Variants in WDFY4 observed in about 807,000 individuals in gnomAD.
WDFY4 encodes the protein WD repeat- and FYVE domain-containing protein 4.
A neutral mutation model predicts 351.9 loss-of-function variants in WDFY4; 169 were observed. The ratio of observed to expected loss-of-function variants is 0.48; its 90% CI spans 0.42 to 0.55. WDFY4 has a LOEUF of 0.55. Among genes scored for constraint, WDFY4 ranks in the 20% least tolerant of loss-of-function variants. The pLI, the probability that WDFY4 is intolerant of heterozygous loss-of-function variation, is 0.00. For synonymous variants in WDFY4, 1,622 were observed against 1,574.6 expected (o/e 1.03, Z -0.71); for missense variants, 3,803 against 3,935.6 (o/e 0.97, Z 0.90).
At position 48,832,678 on chromosome 10, in the gene WDFY4, G is replaced by T. The variant is rs765669221; in HGVS notation, c.6632G>T (p.Arg2211Leu). Residue 2211 changes from arginine to leucine, a missense_variant, in exon 39 of 62, where the codon CGG (arginine) becomes CTG (leucine). Physicochemically the swap from Arg to Leu is moderately radical, Grantham distance 102. Transcript: ENST00000325239. ...TCAGCCATGAAGCTGATGCCCGGGC[G>T]GCAGGCCAAGGACCCTGAGTGCAAG... The part of the protein sequence containing the change: ...LSSAMKLMPG[R>L]QAKDPECKTE... 6.5e-7 allele frequency: 1 copy of T among 1,549,770 alleles called. No homozygotes were observed. The highest frequency in any genetic ancestry group is 8.7e-7 in the Non-Finnish European group (1 of 1,145,936).
chr10:48,889,133 C>T (rs1423579818), intron 43 of WDFY4, among the ~76,000 whole-genome samples: 1 of 152,184 alleles, frequency 6.6e-6, no homozygotes, highest in African/African-American at 2.4e-5. Context: ...AGGGCCAGCT[C>T]CTCTGACAAG....
chr10:48,832,409 G>T (rs2068220428), intron 38 of WDFY4, among the ~76,000 whole-genome samples, 164 bp from the exon 39 acceptor site: 1 of 152,252 alleles, frequency 6.6e-6, no homozygotes, highest in African/African-American at 2.4e-5. Flanking sequence ...GCCAAAGGAA[G>T]GTCAGAAGAC....
rs181454237 is a variant in WDFY4, at chr10:48,863,199, G to T, written c.6664-4066G>T. Among the ~76,000 whole-genome samples, 474 of 152,158 alleles carry T rather than the reference G, an allele frequency of 3.1e-3. 1 individual carries two copies. The highest frequency in any genetic ancestry group is 5.4e-3 in the Non-Finnish European group (368 of 67,986). ...TTCAGTTGGACACAATTTTTATCTT[G>T]GGTGTATACCTGAGAATGGAATTGC... is the stretch of plus-strand genomic sequence containing the variant. On this transcript the variant is annotated intron_variant, in intron 39 of 61. Transcript: ENST00000325239.
chr10:48,927,477 C>T (rs1215870865), intron 47 of WDFY4, among the ~76,000 whole-genome samples: 1 of 152,190 alleles, frequency 6.6e-6, no homozygotes, highest in Non-Finnish European at 1.5e-5. Context: ...AAAACTTCCA[C>T]CCACATGCCT....
intron 12 of WDFY4, among the ~76,000 whole-genome samples, chr10:48,752,970 A>G (rs2065228088): frequency 6.6e-6 from 1 of 152,180 alleles, no homozygotes; most frequent in African/African-American, 2.4e-5. Context: ...AGCTGAACCA[A>G]TTTTACACAC....
At chr10:48,955,536 A>G (rs1019627759) in intron 51 of WDFY4, among the ~76,000 whole-genome samples, 8 of 152,222 alleles carry the variant, frequency 5.3e-5, no homozygotes, top group Non-Finnish European at 1.2e-4. Flanking sequence ...GGAATCTGGC[A>G]TGGGGCAAAG....
intron 25 of WDFY4, among the ~76,000 whole-genome samples, chr10:48,804,023 AAC>A (rs1762397119): frequency 6.6e-6 from 1 of 152,226 alleles, no homozygotes; most frequent in African/African-American, 2.4e-5. Context: ...TTAAAAATTT[AAC>A]AGTCTTAGCT....
At chr10:48,823,980 A>G in intron 35 of WDFY4, 1 of 985,496 alleles carries the variant, frequency 1.0e-6, no homozygotes, top group Non-Finnish European at 1.2e-6. Context: ...GGAGTAGCCT[A>G]TAACAAATTC....
At chr10:48,798,888 T>G (rs2066962539) in intron 24 of WDFY4, among the ~76,000 whole-genome samples, 1 of 152,210 alleles carries the variant, frequency 6.6e-6, no homozygotes, top group Non-Finnish European at 1.5e-5. Context: ...GTCCTGGATC[T>G]GAAGCTGGAA....
chr10:48,975,482 C>G (rs1262086951), intron 58 of WDFY4, among the ~76,000 whole-genome samples: 2 of 152,160 alleles, frequency 1.3e-5, no homozygotes, highest in African/African-American at 4.8e-5. Context: ...AAATTTCTTC[C>G]AGACTGAAGC....
chr10:48,910,969 G>T, intron 47 of WDFY4: 1 of 939,848 alleles, frequency 1.1e-6, no homozygotes, highest in Non-Finnish European at 1.3e-6. Context: ...TAATTCTAAA[G>T]AAAAAGTGTC....
intron 51 of WDFY4, among the ~76,000 whole-genome samples, chr10:48,954,845 A>G (rs1248967568): frequency 6.6e-6 from 1 of 152,240 alleles, no homozygotes; most frequent in Non-Finnish European, 1.5e-5. Flanking sequence ...TATAAATAAT[A>G]CAGGCCTAAG....
intron 61 of WDFY4, among the ~76,000 whole-genome samples, chr10:48,981,743 A>G (rs1272441394): frequency 6.6e-6 from 1 of 152,222 alleles, no homozygotes; most frequent in African/African-American, 2.4e-5. Flanking sequence ...TTCATTAAGA[A>G]ATCCAAGAGG....
At chr10:48,957,083 G>A (rs3829206) in intron 51 of WDFY4, 46 bp from the exon 52 acceptor site, 753,766 of 1,530,134 alleles carry the variant, frequency 0.49, 188,945 homozygotes, top group Non-Finnish European at 0.52. Flanking sequence ...GCCAGCAGGA[G>A]GGTGCCAGTG....
chr10:48,709,720 G>A lies in WDFY4; in HGVS notation c.-13G>A, dbSNP rs1203440110. 5 of 1,551,076 alleles carry A rather than the reference G, an allele frequency of 3.2e-6. No individual in the cohort carries two copies. The African/African-American group carries it at 5.5e-5, about 17-fold the overall frequency. ...TTCTATTTGTTCTGAATTCAGATCT[G>A]CTTTGCCACGGCATGGAGGCAGAAG... On this transcript the variant is annotated 5_prime_UTR_variant, in exon 2 of 62. Coordinates refer to ENST00000325239, the MANE Select transcript of WDFY4 (RefSeq NM_001394531.1).
At chr10:48,978,689 A>C in intron 60 of WDFY4, 1 of 297,552 alleles carries the variant, frequency 3.4e-6, no homozygotes, top group Non-Finnish European at 6.3e-6. Flanking sequence ...CTCCCCATCA[A>C]AGCTGTTACC....
intron 48 of WDFY4, among the ~76,000 whole-genome samples, chr10:48,942,241 A>G (rs1840806822): frequency 6.6e-6 from 1 of 152,200 alleles, no homozygotes; most frequent in Non-Finnish European, 1.5e-5. Flanking sequence ...CTGAGATTAC[A>G]GGCATGAGCC....
chr10:48,918,757 G>C (rs1838777875), intron 47 of WDFY4, among the ~76,000 whole-genome samples: 1 of 152,158 alleles, frequency 6.6e-6, no homozygotes, highest in Non-Finnish European at 1.5e-5. Context: ...CAGGGGGTAG[G>C]ATGGTGACAG....
At chr10:48,703,312 G>C (rs17771318) in intron 1 of WDFY4, among the ~76,000 whole-genome samples, 1 of 152,112 alleles carries the variant, frequency 6.6e-6, no homozygotes, top group South Asian at 2.1e-4. Flanking sequence ...GATCATTTAC[G>C]GCCATGCATG....
Sources: allele counts gnomAD v4.1 joint callset (sites outside exome capture counted in the v4.1 genomes callset), GRCh38; gene constraint gnomAD v4.1.1; transcripts MANE v1.5; gene names NCBI Gene and HGNC (gene_info 2026-07-23, HGNC 2026-07-21).